Variants in CYTH1 observed in about 807,000 individuals in gnomAD.
CYTH1 encodes cytohesin 1.
A neutral mutation model predicts 61.8 loss-of-function variants in CYTH1; 18 were observed. The observed-to-expected ratio is 0.29, with a 90% CI of 0.20 to 0.43. The LOEUF (loss-of-function observed/expected upper bound fraction) is 0.43, where lower values mean the gene tolerates loss of function less well. Ranked by LOEUF, CYTH1 falls within the 20% of genes least tolerant of loss-of-function variation. CYTH1 has a pLI of 1.00. For synonymous variants in CYTH1, 174 were observed against 184.3 expected, an observed-to-expected ratio of 0.94 and a Z score of 0.45; for missense variants, 336 against 510.5, an observed-to-expected ratio of 0.66 and a Z score of 3.29.
At chr17:78,679,499 A>C (rs1352793152) in intron 13 of CYTH1, among the ~76,000 whole-genome samples, 1 of 152,232 alleles carries the variant, frequency 6.6e-6, no homozygotes, top group East Asian at 1.9e-4. Flanking sequence ...AGAGCCAGGC[A>C]GACCAAGTCC....
At chr17:78,756,988 CTT>C (rs869039489) in intron 1 of CYTH1, among the ~76,000 whole-genome samples, 11 of 129,748 alleles carry the variant, frequency 8.5e-5, no homozygotes, top group Non-Finnish European at 1.3e-4. Context: ...TCTTTTTTTT[CTT>C]TTTTTTTTTT....
intron 1 of CYTH1, among the ~76,000 whole-genome samples, chr17:78,773,487 G>A (rs1055063193): frequency 1.3e-5 from 2 of 151,456 alleles, no homozygotes; most frequent in Admixed American, 6.6e-5. Flanking sequence ...AAAATCAGCA[G>A]GGCATGGTGG....
In CYTH1 at chr17:78,697,613, A is replaced by AG. The variant is rs150260900; in HGVS notation, c.811+655dup. Among the ~76,000 whole-genome samples, 107 of 149,562 alleles carry AG rather than the reference A, an allele frequency of 7.2e-4. 1 individual carries two copies. The highest frequency in any genetic ancestry group is 3.4e-4 in the Non-Finnish European group (23 of 67,276). On this transcript the variant is annotated intron_variant, in intron 9 of 13. Transcript: ENST00000446868. ...GATTGAAAAGGAGGGGAAAAAAAAA[A>AG]GAAAAAAAAAAAACCACTGCCCAAG...
chr17:78,720,248 T>C lies in CYTH1; in HGVS notation c.23-10516A>G, dbSNP rs75453024. ...GGTACATTTTTTGTTATATGTATTT[T>C]ACCACCATTAAAAATAAAGGCCTGG... On this transcript the variant is annotated intron_variant, in intron 1 of 13. Coordinates refer to ENST00000446868, the MANE Select transcript of CYTH1 (RefSeq NM_004762.6). 4.2e-3 allele frequency among the ~76,000 whole-genome samples: 643 copies of C among 152,334 alleles called. 6 individuals are homozygous for C. The highest frequency in any genetic ancestry group is 0.015 in the African/African-American group (604 of 41,576).
chr17:78,720,664 C>T (rs1181603760), intron 1 of CYTH1, among the ~76,000 whole-genome samples: 2 of 152,180 alleles, frequency 1.3e-5, no homozygotes, highest in Non-Finnish European at 2.9e-5. Flanking sequence ...GGCTTGAGCT[C>T]AGGAGTTTGA....
rs79465952 is a variant in CYTH1 at position 78,692,895 on chromosome 17, C to A, written c.815-402G>T. Among the ~76,000 whole-genome samples, 915 of 152,222 alleles carry A rather than the reference C, an allele frequency of 6.0e-3. 46 individuals are homozygous for A. In the East Asian group the frequency reaches 0.12, roughly 20 times the overall value. On this transcript the variant is annotated intron_variant, in intron 10 of 13. Transcript: ENST00000446868. Reference sequence around the variant, plus strand: ...GCACCTAGTGCAGGCTACTCTGCTACTGACAAGCAGCCCGGCACATAAGGA... The same window carrying A: ...GCACCTAGTGCAGGCTACTCTGCTAATGACAAGCAGCCCGGCACATAAGGA...
At chr17:78,758,636 G>A (rs1177184018) in intron 1 of CYTH1, among the ~76,000 whole-genome samples, 4 of 152,100 alleles carry the variant, frequency 2.6e-5, no homozygotes, top group East Asian at 1.9e-4. Flanking sequence ...CCCAGGAGGC[G>A]GAGGAGGTTG....
In CYTH1 at chr17:78,758,199, C is replaced by T. The variant is rs2093409360; in HGVS notation, c.22+24003G>A. On this transcript the variant is annotated intron_variant, in intron 1 of 13. Transcript: ENST00000446868. ...GAACAAAGTGGAAACTTCTAAATAA[C>T]AAGACAGGATGATTAATTAAACTAT... Among the ~76,000 whole-genome samples, 3 of 152,182 alleles carry T rather than the reference C, an allele frequency of 2.0e-5. 1 individual carries two copies. The South Asian group carries it at 6.2e-4, about 32-fold the overall frequency.
At chr17:78,724,035 C>A (rs1598884340) in intron 1 of CYTH1, 1 of 152,272 alleles carries the variant, frequency 6.6e-6, no homozygotes, top group Non-Finnish European at 1.5e-5. Flanking sequence ...TCAGTACACT[C>A]GCAGCCACCA....
intron 13 of CYTH1, 91 bp downstream of exon 13, chr17:78,680,099 C>T (rs1228116448): frequency 2.8e-5 from 42 of 1,499,752 alleles, no homozygotes; most frequent in East Asian, 1.4e-4. Context: ...AGAAGAGATG[C>T]GGGCGGCATG....
chr17:78,751,128 C>T (rs529605547), intron 1 of CYTH1, among the ~76,000 whole-genome samples: 16 of 152,096 alleles, frequency 1.1e-4, no homozygotes, highest in African/African-American at 3.1e-4. Context: ...GAACCATGGG[C>T]GCATGGCGGG....
At chr17:78,684,137 G>A (rs2092791930) in intron 11 of CYTH1, among the ~76,000 whole-genome samples, 2 of 152,272 alleles carry the variant, frequency 1.3e-5, no homozygotes, top group African/African-American at 4.8e-5. Context: ...AGAACCCACT[G>A]GGGATTCTGG....
intron 1 of CYTH1, among the ~76,000 whole-genome samples, chr17:78,729,603 T>C (rs1210885083): frequency 6.6e-6 from 1 of 152,182 alleles, no homozygotes; most frequent in East Asian, 1.9e-4. Flanking sequence ...CACCTTTTGA[T>C]TTGATTTGAA....
Position 78,702,181 on chromosome 17 carries a change from C to T in CYTH1, c.297G>A (p.Gln99=), listed in dbSNP as rs748084491. Residue 99 remains glutamine, a synonymous_variant, in exon 5 of 14, where the codon CAG becomes CAA. Transcript: ENST00000446868. ...TGAGCCCTTCGCCTTTATATAAGAA[C>T]TGGGCAATGTCTTCACAAGTGTTCT... is the stretch of plus-strand genomic sequence containing the variant. ...LLKNTCEDIA[Q]FLYKGEGLNK... is the part of the protein sequence containing the mutation. 4 of 1,614,180 alleles carry T rather than the reference C, an allele frequency of 2.5e-6. No homozygotes were observed. Among genetic ancestry groups the T allele is most frequent in the South Asian group, 1.1e-5 (1 of 91,084 alleles).
At chr17:78,690,595 C>G (rs2092874251) in intron 11 of CYTH1, among the ~76,000 whole-genome samples, 1 of 151,384 alleles carries the variant, frequency 6.6e-6, no homozygotes, top group South Asian at 2.1e-4. Flanking sequence ...ACTCAGGAGG[C>G]TGAGATGGGA....
intron 1 of CYTH1, among the ~76,000 whole-genome samples, chr17:78,764,358 A>T (rs911963337): frequency 6.6e-6 from 1 of 151,590 alleles, no homozygotes; most frequent in Admixed American, 6.6e-5. Flanking sequence ...CACCACGCCC[A>T]GCTAATTTTT....
rs528915169 is a variant in CYTH1, at chr17:78,675,699, T to C, written c.*392A>G. 4.6e-6 allele frequency: 2 copies of C among 435,492 alleles called. No homozygotes were observed. The highest frequency in any genetic ancestry group is 7.9e-5 in the Admixed American group (2 of 25,304). The allele number at this position is 435,492 out of a possible 1,614,324, so 27.0% of individuals were successfully genotyped here. On this transcript the variant is annotated 3_prime_UTR_variant, in exon 14 of 14. Transcript: ENST00000446868. ...CTTTCCACCTTTTTCTCTTAACATATAATAATATATGGACACATGTATTTA... is the reference window on the plus strand; with the variant it reads ...CTTTCCACCTTTTTCTCTTAACATACAATAATATATGGACACATGTATTTA...
chr17:78,681,729 T>C (rs1268171566), intron 11 of CYTH1, among the ~76,000 whole-genome samples: 2 of 151,870 alleles, frequency 1.3e-5, no homozygotes, highest in Non-Finnish European at 2.9e-5. Context: ...ACTGTTAAAG[T>C]CTTTATATTT....
intron 1 of CYTH1, among the ~76,000 whole-genome samples, chr17:78,743,499 A>G (rs753735348): frequency 1.3e-5 from 2 of 152,208 alleles, no homozygotes; most frequent in Non-Finnish European, 2.9e-5. Context: ...TGCTCACTGG[A>G]GCATTTTGGA....
Sources: gnomAD v4.1 joint callset for allele counts (sites outside exome capture counted in the v4.1 genomes callset) on GRCh38, gnomAD v4.1.1 for gene constraint, MANE v1.5 for transcripts, NCBI Gene and HGNC (gene_info 2026-07-23, HGNC 2026-07-21) for gene names.